Variants in LIFR observed in about 807,000 individuals in gnomAD.
LIFR encodes LIF receptor subunit alpha.
A neutral mutation model predicts 122.2 loss-of-function variants in LIFR; 84 were observed. That is an observed-to-expected ratio of 0.69 (90% CI 0.58 to 0.82). The LOEUF is 0.82. Ranked by LOEUF, LIFR falls within the 40% of genes least tolerant of loss-of-function variation. LIFR has a pLI of 0.00. For missense variants in LIFR, 1,294 were observed against 1,311.6 expected, an observed-to-expected ratio of 0.99 and a Z score of 0.21; for synonymous variants, 422 against 434.7, an observed-to-expected ratio of 0.97 and a Z score of 0.36.
At chr5:38,570,583 T>G (rs1163673028) in intron 1 of LIFR, among the ~76,000 whole-genome samples, 1 of 152,142 alleles carries the variant, frequency 6.6e-6, no homozygotes, top group Non-Finnish European at 1.5e-5. Flanking sequence ...AAAAAAAAAG[T>G]ACAAAGCATC....
intron 1 of LIFR, among the ~76,000 whole-genome samples, chr5:38,534,697 G>A (rs1747201132): frequency 6.6e-6 from 1 of 152,178 alleles, no homozygotes; most frequent in Non-Finnish European, 1.5e-5. Flanking sequence ...CAAGGGCTCA[G>A]GAATAAGAAC....
chr5:38,547,054 T>C (rs1747931838), intron 1 of LIFR, among the ~76,000 whole-genome samples: 1 of 152,060 alleles, frequency 6.6e-6, no homozygotes, highest in South Asian at 2.1e-4. Flanking sequence ...GAAAAGTAAA[T>C]CCCCAACACC....
chr5:38,494,219 T>C (rs1744752936), intron 13 of LIFR, among the ~76,000 whole-genome samples: 1 of 152,124 alleles, frequency 6.6e-6, no homozygotes, highest in Admixed American at 6.5e-5. Context: ...CCCAGTACAA[T>C]GTGCAGAGTA....
chr5:38,566,838 T>C (rs1749041782), intron 1 of LIFR, among the ~76,000 whole-genome samples: 1 of 152,278 alleles, frequency 6.6e-6, no homozygotes, highest in Non-Finnish European at 1.5e-5. Context: ...AAGTGATTCA[T>C]TGGTAAGTGT....
intron 19 of LIFR, 128 bp from the exon 20 acceptor site, chr5:38,482,346 A>G: frequency 2.4e-6 from 2 of 822,044 alleles, no homozygotes; most frequent in Non-Finnish European, 3.6e-6. Context: ...TCTGTATTTC[A>G]CACAACAGCA....
intron 5 of LIFR, among the ~76,000 whole-genome samples, chr5:38,515,511 C>T (rs183800496): frequency 6.6e-6 from 1 of 150,852 alleles, no homozygotes; most frequent in Non-Finnish European, 1.5e-5. Flanking sequence ...TTTTATAGAC[C>T]ATAATACAAA....
At chr5:38,559,858 T>C (rs1049120793), upstream of LIFR, among the ~76,000 whole-genome samples, 10 of 152,258 alleles carry the variant, frequency 6.6e-5, no homozygotes, top group Non-Finnish European at 1.5e-4. Flanking sequence ...CTCTTCTTTC[T>C]GTTTTTGTTT....
Position 38,477,887 on chromosome 5 carries a change from T to C in LIFR, c.*3708A>G, listed in dbSNP as rs956204947. 6 of 215,396 alleles carry C rather than the reference T, an allele frequency of 2.8e-5. No individual in the cohort carries two copies. Among genetic ancestry groups the C allele is most frequent in the African/African-American group, 1.1e-4 (5 of 44,242 alleles). The allele number at this position is 215,396 out of a possible 1,614,324, so 13.3% of individuals were successfully genotyped here. On this transcript the variant is annotated 3_prime_UTR_variant, in exon 20 of 20. Coordinates refer to ENST00000453190, the MANE Select transcript of LIFR (RefSeq NM_001127671.2). ...CTTTCAAAATAAGAAAAAAGGCATT[T>C]CATAAAATGCACACAAATTTTAACA...
chr5:38,511,658 G>A, intron 6 of LIFR, 132 bp downstream of exon 6: 1 of 814,798 alleles, frequency 1.2e-6, no homozygotes, highest in Admixed American at 2.1e-5. Flanking sequence ...GGGATGGTGG[G>A]CTTAGACGCT....
rs1561213701 is a variant in LIFR at position 38,564,745 on chromosome 5, CA to C, written c.-20+30515del. ...TATATACACACACACTACACACACA[CA>C]CACACACACACACACACACACACAC... On this transcript the variant is annotated intron_variant, in intron 1 of 19. Transcript: ENST00000263409. Among the ~76,000 whole-genome samples the C allele has an allele frequency of 5.2e-3, 706 of 134,726 alleles. 1 individual carries two copies. The highest frequency in any genetic ancestry group is 0.018 in the East Asian group (59 of 3,224). The allele number at this position is 134,726 out of a possible 152,430, so 88.4% of individuals were successfully genotyped here.
chr5:38,489,085 T>G lies in LIFR; in HGVS notation c.2328A>C (p.Leu776Phe). Residue 776 changes from leucine (L) to phenylalanine (F), a missense_variant, in exon 16 of 20, where the codon TTA becomes TTC. Transcript: ENST00000453190. The part of the protein sequence containing the change: ...GERDTSKMRV[L>F]ESGRSDIKVK... ...TGCTATCAATTTACTCACCTGATTC[T>G]AAAACCCTCATCTTAGATGTGTCTC... is the stretch of plus-strand genomic sequence containing the variant. 2 of 1,612,580 alleles carry G rather than the reference T, an allele frequency of 1.2e-6. No homozygotes were observed. Among genetic ancestry groups the G allele is most frequent in the Non-Finnish European group, 1.7e-6 (2 of 1,178,822 alleles).
chr5:38,526,221 A>C (rs888782376), intron 4 of LIFR, among the ~76,000 whole-genome samples: 7 of 152,198 alleles, frequency 4.6e-5, no homozygotes, highest in African/African-American at 1.7e-4. Flanking sequence ...TCTAATGCTA[A>C]TTCAGCTTTA....
intron 1 of LIFR, among the ~76,000 whole-genome samples, chr5:38,593,727 AG>A (rs1269849311): frequency 1.3e-5 from 2 of 152,086 alleles, no homozygotes; most frequent in Non-Finnish European, 2.9e-5. Flanking sequence ...TTAGATTGTG[AG>A]GGTAGAGGCC....
At position 38,481,009 on chromosome 5, in the gene LIFR, T is replaced by A. The variant is rs2561819; in HGVS notation, c.*586A>T. On this transcript the variant is annotated 3_prime_UTR_variant, in exon 20 of 20. Coordinates refer to ENST00000453190, the MANE Select transcript of LIFR (RefSeq NM_001127671.2). ...AACCATTATACAGTAGGCACAGAAATAAGCATACTTTATCAAACAAAACAC... is the reference window on the plus strand; with the variant it reads ...AACCATTATACAGTAGGCACAGAAAAAAGCATACTTTATCAAACAAAACAC... 0.076 allele frequency: 17,367 copies of A among 227,942 alleles called. 2,533 individuals carry two copies. The highest frequency in any genetic ancestry group is 0.33 in the African/African-American group (14,669 of 44,652). The allele number at this position is 227,942 out of a possible 1,614,324, so 14.1% of individuals were successfully genotyped here.
chr5:38,575,567 A>T (rs1749358470), intron 1 of LIFR, among the ~76,000 whole-genome samples: 1 of 152,332 alleles, frequency 6.6e-6, no homozygotes, highest in Admixed American at 6.5e-5. Context: ...TTTAAAGTCT[A>T]AATTGTGACA....
intron 1 of LIFR, among the ~76,000 whole-genome samples, chr5:38,589,718 ATGTGTGTGTGTGTGTG>A (rs35505046): frequency 9.6e-5 from 14 of 146,188 alleles, no homozygotes; most frequent in African/African-American, 3.5e-4. Context: ...AGAGAAGAAA[ATGTGTGTGTGTGTGTG>A]TGTGTGTGTG....
intron 1 of LIFR, among the ~76,000 whole-genome samples, chr5:38,549,252 TACACACACACAC>T (rs58706799): frequency 3.4e-5 from 5 of 147,802 alleles, no homozygotes; most frequent in Admixed American, 6.7e-5. Context: ...TAGAAAATTG[TACACACACACAC>T]ACACACACAC....
At chr5:38,569,209 C>T (rs1056654894) in intron 1 of LIFR, among the ~76,000 whole-genome samples, 7 of 152,194 alleles carry the variant, frequency 4.6e-5, no homozygotes, top group Non-Finnish European at 7.3e-5. Flanking sequence ...GATTATAGCC[C>T]ACCATTCTAT....
In LIFR at chr5:38,587,651, A is replaced by G. The variant is rs144137795; in HGVS notation, c.-20+7610T>C. Among the ~76,000 whole-genome samples, 673 of 152,260 alleles carry G rather than the reference A, an allele frequency of 4.4e-3. 7 individuals are homozygous for G. The highest frequency in any genetic ancestry group is 0.015 in the African/African-American group (619 of 41,544). ...GGTTGTTACTGTTTTAAAAGAGTGTACGGGATGGGGGACAAATAGGGAGAA... is the reference window on the plus strand; with the variant it reads ...GGTTGTTACTGTTTTAAAAGAGTGTGCGGGATGGGGGACAAATAGGGAGAA... On this transcript the variant is annotated intron_variant, in intron 1 of 19. Transcript: ENST00000263409.
Sources: gnomAD v4.1 joint callset for allele counts (sites outside exome capture counted in the v4.1 genomes callset) on GRCh38, gnomAD v4.1.1 for gene constraint, MANE v1.5 for transcripts, NCBI Gene and HGNC (gene_info 2026-07-23, HGNC 2026-07-21) for gene names.